Variants in XKR4 observed in about 807,000 individuals in gnomAD.
The protein encoded by XKR4 is XK related 4.
XKR4 carries 12 observed loss-of-function variants against 53.9 expected under a neutral mutation model. The ratio of observed to expected loss-of-function variants is 0.22; its 90% CI spans 0.14 to 0.36. XKR4 has a LOEUF of 0.36. Ranked by LOEUF, XKR4 falls within the 10% of genes least tolerant of loss-of-function variation. XKR4 has a pLI of 1.00. For synonymous variants in XKR4, 354 were observed against 362.4 expected, an observed-to-expected ratio of 0.98 and a Z score of 0.26; for missense variants, 799 against 859.5, an observed-to-expected ratio of 0.93 and a Z score of 0.88.
Position 55,524,269 on chromosome 8 carries a change from G to T in XKR4, c.*42G>T, listed in dbSNP as rs1237478557. 5.7e-6 allele frequency: 9 copies of T among 1,566,262 alleles called. No homozygotes were observed. Among genetic ancestry groups the T allele is most frequent in the Non-Finnish European group, 7.8e-6 (9 of 1,149,494 alleles). ...GGACCCACAACATCCAGATGAAGGG[G>T]TGACAGCAGGGCTGTGGCCATAATG... On this transcript the variant is annotated 3_prime_UTR_variant, in exon 3 of 3. Transcript: ENST00000327381.
intron 2 of XKR4, among the ~76,000 whole-genome samples, chr8:55,513,841 G>A (rs1806668051): frequency 6.6e-6 from 1 of 152,198 alleles, no homozygotes; most frequent in Admixed American, 6.5e-5. Context: ...AAAGTGTAAG[G>A]ACTTCGAAGT....
chr8:55,477,815 A>G (rs1243424460), intron 2 of XKR4, among the ~76,000 whole-genome samples: 1 of 152,164 alleles, frequency 6.6e-6, no homozygotes, highest in African/African-American at 2.4e-5. Flanking sequence ...GTGACGGAAG[A>G]TGAAATGAAT....
At chr8:55,228,915 G>A (rs1817993107) in intron 1 of XKR4, among the ~76,000 whole-genome samples, 1 of 151,684 alleles carries the variant, frequency 6.6e-6, no homozygotes, top group Non-Finnish European at 1.5e-5. Flanking sequence ...TCTGGATTAG[G>A]GAATTTATTA....
intron 2 of XKR4, among the ~76,000 whole-genome samples, chr8:55,384,283 A>G (rs1563337494): frequency 6.6e-6 from 1 of 152,194 alleles, no homozygotes; most frequent in Non-Finnish European, 1.5e-5. Flanking sequence ...CATGAGCAAA[A>G]CCAGGAAAAA....
chr8:55,390,073 G>C lies in XKR4; in HGVS notation c.1006+32196G>C, dbSNP rs1585551794. ...TTTAACAAATGGAAACTGGCCCGTG[G>C]TTATCTCAATTTCCAGTAAGTTTGT... is the stretch of plus-strand genomic sequence containing the variant. On this transcript the variant is annotated intron_variant, in intron 2 of 2. Transcript: ENST00000327381. Among the ~76,000 whole-genome samples the C allele has an allele frequency of 2.0e-5, 3 of 152,166 alleles. No individual in the cohort carries two copies. In the East Asian group the frequency reaches 5.8e-4, roughly 29 times the overall value.
intron 1 of XKR4, among the ~76,000 whole-genome samples, chr8:55,231,166 C>G (rs1472545569): frequency 6.6e-6 from 1 of 152,196 alleles, no homozygotes; most frequent in Non-Finnish European, 1.5e-5. Context: ...GCACTTAAAT[C>G]TAGCTTTCTG....
intron 2 of XKR4, among the ~76,000 whole-genome samples, chr8:55,482,005 A>G (rs1485819578): frequency 7.9e-5 from 12 of 152,220 alleles, no homozygotes; most frequent in Non-Finnish European, 1.3e-4. Context: ...TCAGGGAACT[A>G]GAAGTAGAAA....
At chr8:55,213,925 A>G (rs1451885199) in intron 1 of XKR4, among the ~76,000 whole-genome samples, 1 of 126,312 alleles carries the variant, frequency 7.9e-6, no homozygotes, top group Non-Finnish European at 1.5e-5. Flanking sequence ...GCAGTGGTGC[A>G]ATCTCCGCCC....
chr8:55,186,529 G>C (rs537455455), intron 1 of XKR4, among the ~76,000 whole-genome samples: 1 of 152,116 alleles, frequency 6.6e-6, no homozygotes, highest in Non-Finnish European at 1.5e-5. Flanking sequence ...GGTGGCAGGC[G>C]CTTGTAGCCC....
chr8:55,503,927 G>C (rs1364178213), intron 2 of XKR4, among the ~76,000 whole-genome samples: 1 of 151,782 alleles, frequency 6.6e-6, no homozygotes, highest in Non-Finnish European at 1.5e-5. Context: ...GTTAAATTTT[G>C]TCAAATGCTT....
rs565245887 is a variant in XKR4, at chr8:55,194,591, T to C, written c.806+91297T>C. On this transcript the variant is annotated intron_variant, in intron 1 of 2. Transcript: ENST00000327381. ...AAAAAAATGATGGCTCTCAACAGGA[T>C]ATGTGGGCTCAGACTTTTCAGATCA... is the stretch of plus-strand genomic sequence containing the variant. Among the ~76,000 whole-genome samples the C allele has an allele frequency of 3.3e-5, 5 of 152,302 alleles. 1 individual carries two copies. In the South Asian group the frequency reaches 8.3e-4, roughly 25 times the overall value.
At chr8:55,367,325 G>T (rs1804003773) in intron 2 of XKR4, among the ~76,000 whole-genome samples, 1 of 151,956 alleles carries the variant, frequency 6.6e-6, no homozygotes, top group African/African-American at 2.4e-5. Context: ...TCATTTCATT[G>T]CTCTACAATA....
chr8:55,314,823 G>A (rs1197968800), intron 1 of XKR4, among the ~76,000 whole-genome samples: 1 of 152,142 alleles, frequency 6.6e-6, no homozygotes, highest in Non-Finnish European at 1.5e-5. Flanking sequence ...AAAATGGTGA[G>A]GATAAACTAC....
chr8:55,204,546 T>C (rs1817617897), intron 1 of XKR4, among the ~76,000 whole-genome samples: 2 of 152,196 alleles, frequency 1.3e-5, no homozygotes, highest in South Asian at 4.1e-4. Flanking sequence ...ACAAAGGCTG[T>C]GCCAGTTTAT....
At chr8:55,259,538 C>T (rs535768375) in intron 1 of XKR4, among the ~76,000 whole-genome samples, 3 of 152,118 alleles carry the variant, frequency 2.0e-5, no homozygotes, top group Non-Finnish European at 4.4e-5. Context: ...AGAGCCCACA[C>T]TCCACAGCTC....
At chr8:55,503,600 G>GT (rs1350351388) in intron 2 of XKR4, among the ~76,000 whole-genome samples, 2 of 152,018 alleles carry the variant, frequency 1.3e-5, no homozygotes, top group African/African-American at 2.4e-5. Context: ...GTTCTGTCAT[G>GT]TTTTTTGTGG....
At chr8:55,502,820 T>C (rs1404077296) in intron 2 of XKR4, among the ~76,000 whole-genome samples, 1 of 152,204 alleles carries the variant, frequency 6.6e-6, no homozygotes, top group Admixed American at 6.5e-5. Flanking sequence ...TTTTCCTCTA[T>C]ATTTTCTTCT....
At chr8:55,265,134 G>C (rs1368107982) in intron 1 of XKR4, among the ~76,000 whole-genome samples, 1 of 152,230 alleles carries the variant, frequency 6.6e-6, no homozygotes, top group Non-Finnish European at 1.5e-5. Flanking sequence ...AGAAGCTATT[G>C]AAGCTAGTAG....
At chr8:55,293,047 T>C (rs1353896973) in intron 1 of XKR4, among the ~76,000 whole-genome samples, 1 of 151,402 alleles carries the variant, frequency 6.6e-6, no homozygotes. Context: ...AAAATCCATA[T>C]AGTTTGGCCA....
Sources: allele counts gnomAD v4.1 joint callset (sites outside exome capture counted in the v4.1 genomes callset), GRCh38; gene constraint gnomAD v4.1.1; transcripts MANE v1.5; gene names NCBI Gene and HGNC (gene_info 2026-07-23, HGNC 2026-07-21).